ZBTB20: variants seen among roughly 807,000 people sequenced by gnomAD.
The protein encoded by ZBTB20 is zinc finger and BTB domain containing 20, also known as zinc finger and BTB domain-containing protein 20.
A neutral mutation model predicts 56.9 loss-of-function variants in ZBTB20; 9 were observed. The ratio of observed to expected loss-of-function variants is 0.16; its 90% confidence interval spans 0.10 to 0.28. The LOEUF is 0.28. Ranked by LOEUF, ZBTB20 falls within the 10% of genes least tolerant of loss-of-function variation. The pLI is 1.00. For missense variants in ZBTB20, 655 were observed against 1,003.0 expected (o/e 0.65, Z 4.69); for synonymous variants, 417 against 420.7 (o/e 0.99, Z 0.11).
chr3:115,035,202 A>G (rs75168025), intron 2 of ZBTB20, among the ~76,000 whole-genome samples: 11,608 of 152,170 alleles, frequency 0.076, 534 homozygotes, highest in Admixed American at 0.16. Context: ...CAATGACAAC[A>G]AAAAAGACAA....
chr3:115,129,704 C>T (rs536127491), intron 1 of ZBTB20, among the ~76,000 whole-genome samples: 82 of 152,266 alleles, frequency 5.4e-4, no homozygotes, highest in African/African-American at 1.5e-3. Context: ...ATTATCATTA[C>T]GTCAAGATGT....
rs1475887354 is a variant in ZBTB20, at chr3:115,122,705, ACCATACATT to A, written c.-703+24505_-703+24513del. On this transcript the variant is annotated intron_variant, in intron 1 of 11. Transcript: ENST00000675478. ...ATTAATCCTATTCTTCATCTTTCTG[ACCATACATT>A]CCTAAAATGGCTACACATCCTGATT... Among the ~76,000 whole-genome samples, 3 of 152,010 alleles carry A rather than the reference ACCATACATT, an allele frequency of 2.0e-5. No homozygotes were observed. The East Asian group carries it at 5.8e-4, about 29-fold the overall frequency.
intron 1 of ZBTB20, among the ~76,000 whole-genome samples, chr3:115,097,066 T>C (rs1184754016): frequency 6.6e-6 from 1 of 152,232 alleles, no homozygotes; most frequent in African/African-American, 2.4e-5. Context: ...ATAGTCTTTA[T>C]ATTAAAAATA....
At chr3:114,692,528 G>A (rs1037524106) in intron 6 of ZBTB20, among the ~76,000 whole-genome samples, 1 of 152,108 alleles carries the variant, frequency 6.6e-6, no homozygotes, top group African/African-American at 2.4e-5. Flanking sequence ...AACTTTTAAA[G>A]GTTTGGATGA....
intron 6 of ZBTB20, among the ~76,000 whole-genome samples, chr3:114,617,592 C>T (rs1168953071): frequency 1.3e-5 from 2 of 152,204 alleles, no homozygotes; most frequent in Non-Finnish European, 2.9e-5. Context: ...TTGTATTCAT[C>T]TTTGTATTGT....
chr3:114,821,091 C>T (rs1345302617), intron 4 of ZBTB20, among the ~76,000 whole-genome samples: 1 of 152,110 alleles, frequency 6.6e-6, no homozygotes, highest in Non-Finnish European at 1.5e-5. Flanking sequence ...TTGCGAATAA[C>T]AATGGATGGA....
chr3:114,675,849 CCAACAA>C, intron 6 of ZBTB20, among the ~76,000 whole-genome samples: 1 of 151,768 alleles, frequency 6.6e-6, no homozygotes, highest in South Asian at 2.1e-4. Context: ...ATTTCAGTCA[CCAACAA>C]CAACAGCAGT....
chr3:114,339,483 A>G lies in ZBTB20; in HGVS notation c.1805-57T>C. The G allele has an allele frequency of 6.5e-7, 1 of 1,527,188 alleles. No homozygotes were observed. The highest frequency in any genetic ancestry group is 1.4e-5 in the African/African-American group (1 of 71,996). 94.6% of individuals were successfully genotyped at this position (1,527,188 alleles called of 1,614,324 possible). ...CAGAGCGAGACATAGCAAGGGATAG[A>G]GAATGAAGGACAGGAAAAACAAGAC... On this transcript the variant is annotated intron_variant, in intron 11 of 11. Transcript: ENST00000675478. The surrounding 1 kb of genome is among the most constrained non-coding windows in gnomAD (Gnocchi z 4.2).
intron 2 of ZBTB20, among the ~76,000 whole-genome samples, chr3:114,990,962 C>A (rs186953067): frequency 2.0e-5 from 3 of 152,254 alleles, no homozygotes; most frequent in East Asian, 1.9e-4. Flanking sequence ...TCCCCTTTAT[C>A]ATTTTTTATT....
At chr3:114,473,796 CT>C (rs5851928) in intron 7 of ZBTB20, among the ~76,000 whole-genome samples, 13,164 of 152,244 alleles carry the variant, frequency 0.086, 630 homozygotes, top group South Asian at 0.13. Flanking sequence ...GACCAGGGAT[CT>C]TGATCAATCT....
chr3:114,334,224 G>T lies in ZBTB20; in HGVS notation c.*4781C>A, dbSNP rs776083040. On this transcript the variant is annotated 3_prime_UTR_variant, in exon 12 of 12. Transcript: ENST00000675478. ...TCTAGAACAACAGAGGAAAGCTCCA[G>T]AATGGGTGTATATCCTGTGACTCCT... 6.6e-6 allele frequency: 1 copy of T among 152,236 alleles called. No individual in the cohort carries two copies. The highest frequency in any genetic ancestry group is 1.5e-5 in the Non-Finnish European group (1 of 68,092). The allele number at this position is 152,236 out of a possible 1,614,324, so 9.4% of individuals were successfully genotyped here.
intron 6 of ZBTB20, among the ~76,000 whole-genome samples, chr3:114,557,723 T>C (rs544798633): frequency 6.6e-6 from 1 of 152,122 alleles, no homozygotes; most frequent in South Asian, 2.1e-4. Flanking sequence ...AATGACTGTC[T>C]AGATATATTT....
At chr3:114,937,946 A>C (rs1006522926) in intron 3 of ZBTB20, among the ~76,000 whole-genome samples, 2 of 151,718 alleles carry the variant, frequency 1.3e-5, no homozygotes, top group African/African-American at 4.8e-5. Flanking sequence ...AAACACAAAA[A>C]AATTGGCCGG....
intron 11 of ZBTB20, among the ~76,000 whole-genome samples, chr3:114,343,396 G>A (rs1157460314): frequency 6.6e-6 from 1 of 152,146 alleles, no homozygotes; most frequent in African/African-American, 2.4e-5. Context: ...TTTTTCAGAA[G>A]CACTGTTCCT....
intron 6 of ZBTB20, among the ~76,000 whole-genome samples, chr3:114,649,248 C>T (rs939430314): frequency 6.6e-6 from 1 of 151,868 alleles, no homozygotes; most frequent in African/African-American, 2.4e-5. Context: ...AAAATGTTAC[C>T]ATTCAATCAG....
At chr3:114,727,215 A>C (rs1335702559) in intron 5 of ZBTB20, among the ~76,000 whole-genome samples, 2 of 152,200 alleles carry the variant, frequency 1.3e-5, no homozygotes, top group African/African-American at 4.8e-5. Context: ...ACCAACCTGG[A>C]AACTTGAAGA....
At chr3:114,731,923 G>T (rs1213520125) in intron 5 of ZBTB20, among the ~76,000 whole-genome samples, 1 of 149,420 alleles carries the variant, frequency 6.7e-6, no homozygotes, top group African/African-American at 2.4e-5. Context: ...TACTAATCCG[G>T]CTGTGCCTAG....
At chr3:114,486,077 C>T (rs2042087862) in intron 7 of ZBTB20, among the ~76,000 whole-genome samples, 1 of 119,304 alleles carries the variant, frequency 8.4e-6, no homozygotes, top group Non-Finnish European at 1.6e-5. Flanking sequence ...AGTTCTTTGT[C>T]GATTAAATAA....
chr3:114,887,691 G>C (rs531988314), intron 4 of ZBTB20, among the ~76,000 whole-genome samples: 1 of 152,228 alleles, frequency 6.6e-6, no homozygotes, highest in African/African-American at 2.4e-5. Flanking sequence ...TTTGATTTCT[G>C]ATTTCTAGCC....
Sources: gnomAD v4.1 joint callset for allele counts (sites outside exome capture counted in the v4.1 genomes callset) on GRCh38, gnomAD v4.1.1 for gene constraint, Gnocchi (gnomAD v3.1) non-coding constraint, MANE v1.5 for transcripts, NCBI Gene and HGNC (gene_info 2026-07-23, HGNC 2026-07-21) for gene names.